The following CCDC69 variants were observed in gnomAD, a reference collection of about 807,000 sequenced individuals.
CCDC69 encodes the protein coiled-coil domain-containing protein 69.
Under a neutral mutation model 40.3 loss-of-function variants are expected in CCDC69, and 38 were observed. That is an observed-to-expected ratio of 0.94 (90% CI 0.73 to 1.24). The LOEUF (loss-of-function observed/expected upper bound fraction) is 1.24. CCDC69 is among the 50% of genes most tolerant of loss of function. The pLI is 0.00. For synonymous variants in CCDC69, 141 were observed against 138.9 expected (o/e 1.02, Z -0.11); for missense variants, 389 against 357.9 (o/e 1.09, Z -0.70).
chr5:151,185,746 G>A (rs1435473012), intron 6 of CCDC69, among the ~76,000 whole-genome samples: 6 of 152,180 alleles, frequency 3.9e-5, no homozygotes, highest in Non-Finnish European at 1.5e-5. Flanking sequence ...ACTGTGGTTC[G>A]GACAGGTTGA....
At chr5:151,191,950 G>T (rs1293424457) in intron 4 of CCDC69, among the ~76,000 whole-genome samples, 2 of 151,530 alleles carry the variant, frequency 1.3e-5, no homozygotes, top group South Asian at 2.1e-4. Context: ...GGCTAGGTGT[G>T]GTGGGGTACC....
chr5:151,184,235 C>T (rs1766685642), intron 8 of CCDC69, 109 bp downstream of exon 8: 6 of 796,742 alleles, frequency 7.5e-6, no homozygotes, highest in Non-Finnish European at 1.3e-5. Context: ...CTAAATAGGC[C>T]CTGGGCCCAC....
At position 151,185,554 on chromosome 5, in the gene CCDC69, A is replaced by G; in HGVS notation, c.496-13T>C. On this transcript the variant is annotated splice_polypyrimidine_tract_variant and intron_variant, in intron 6 of 8. Coordinates refer to ENST00000355417, the MANE Select transcript of CCDC69 (RefSeq NM_015621.3). The stretch of plus-strand genomic sequence containing the variant: ...GGCTCCCATAATCCTAGACAGGGAC[A>G]GAGTGACCTCATTAGGCCAGTAGGC... 6.2e-7 allele frequency: 1 copy of G among 1,613,780 alleles called. No homozygotes were observed.
chr5:151,185,911 A>T, intron 6 of CCDC69, 112 bp downstream of exon 6: 1 of 750,100 alleles, frequency 1.3e-6, no homozygotes. Context: ...TGTGTAGGTA[A>T]GAGTGCCAGG....
intron 4 of CCDC69, among the ~76,000 whole-genome samples, chr5:151,195,580 G>A (rs181182654): frequency 4.0e-5 from 6 of 151,888 alleles, no homozygotes; most frequent in Admixed American, 2.0e-4. Flanking sequence ...TTAGCCAGGC[G>A]TGGTTGCAGG....
At chr5:151,213,496 C>T (rs1164079653) in intron 1 of CCDC69, among the ~76,000 whole-genome samples, 1 of 151,978 alleles carries the variant, frequency 6.6e-6, no homozygotes, top group African/African-American at 2.4e-5. Context: ...TAGTGATCCA[C>T]CCGCCTCGGC....
At position 151,223,786 on chromosome 5, in the gene CCDC69, T is replaced by G. The variant is rs532466819; in HGVS notation, c.48+137A>C. 60 of 783,256 alleles carry G rather than the reference T, an allele frequency of 7.7e-5. No homozygotes were observed. In the South Asian group the frequency reaches 1.2e-3, roughly 15 times the overall value. The allele number at this position is 783,256 out of a possible 1,614,324, so 48.5% of individuals were successfully genotyped here. On this transcript the variant is annotated intron_variant, in intron 1 of 8. Transcript: ENST00000355417. ...CTCCCAGCAGAGCCTCCCTCGTCTC[T>G]GAGCTGGCCTCTCCAGGTTCTCCGT... is the stretch of plus-strand genomic sequence containing the variant.
At chr5:151,204,515 T>A (rs76964567) in intron 2 of CCDC69, among the ~76,000 whole-genome samples, 3,335 of 152,272 alleles carry the variant, frequency 0.022, 58 homozygotes, top group Middle Eastern at 0.082. Context: ...ACACAAAAAA[T>A]TCTTTGAGAT....
rs766060919 is a variant in CCDC69, at chr5:151,223,954, C to T, written c.17G>A (p.Ser6Asn). ...CGGGGGTTTGCAGCTGCTCAGCCTG[C>T]TGTGTCTGCAGCCCATCCTCCTCCG... Reference protein sequence around the residue: MGCRHSRLSSCKPPKK... With the variant: MGCRHNRLSSCKPPKK... Residue 6 changes from serine (S) to asparagine (N), a missense_variant, in exon 1 of 9, where the codon AGC (serine) becomes AAC (asparagine). Transcript: ENST00000355417. 4.4e-6 allele frequency: 7 copies of T among 1,575,178 alleles called. No individual in the cohort carries two copies. In the South Asian group the frequency reaches 8.0e-5, roughly 18 times the overall value.
intron 2 of CCDC69, among the ~76,000 whole-genome samples, chr5:151,203,230 C>T (rs1246201247): frequency 6.6e-6 from 1 of 151,964 alleles, no homozygotes; most frequent in Non-Finnish European, 1.5e-5. Flanking sequence ...GAAATGTAGG[C>T]CAGGCGCGAT....
At chr5:151,206,544 T>C (rs1382056772) in intron 1 of CCDC69, among the ~76,000 whole-genome samples, 1 of 152,222 alleles carries the variant, frequency 6.6e-6, no homozygotes, top group African/African-American at 2.4e-5. Context: ...CCAGATTTCA[T>C]AAATGAGTAA....
At chr5:151,198,776 A>G in intron 4 of CCDC69, 1 of 452,358 alleles carries the variant, frequency 2.2e-6, no homozygotes, top group Admixed American at 3.7e-5. Flanking sequence ...AATACCTCTC[A>G]AATAAGGAAA....
chr5:151,200,465 A>T (rs1185312015), intron 3 of CCDC69, among the ~76,000 whole-genome samples: 1 of 152,190 alleles, frequency 6.6e-6, no homozygotes, highest in African/African-American at 2.4e-5. Flanking sequence ...AAATTTCAGA[A>T]TTTTGAATAT....
At chr5:151,195,150 GCCAAA>G (rs1752679765) in intron 4 of CCDC69, among the ~76,000 whole-genome samples, 2 of 152,080 alleles carry the variant, frequency 1.3e-5, no homozygotes, top group Admixed American at 1.3e-4. Flanking sequence ...CTTAGTATGT[GCCAAA>G]CAATTTAAAA....
intron 3 of CCDC69, 119 bp downstream of exon 3, chr5:151,201,463 G>A: frequency 1.6e-6 from 1 of 633,072 alleles, no homozygotes. Flanking sequence ...TCCCTTCCTG[G>A]TAAAATGAGT....
At chr5:151,194,760 G>T (rs6891983) in intron 4 of CCDC69, among the ~76,000 whole-genome samples, 2,495 of 152,056 alleles carry the variant, frequency 0.016, 28 homozygotes, top group Middle Eastern at 0.071. Context: ...GGGCATAGTG[G>T]CACGTGCCTG....
At chr5:151,208,051 G>A (rs1264973274) in intron 1 of CCDC69, among the ~76,000 whole-genome samples, 2 of 152,154 alleles carry the variant, frequency 1.3e-5, no homozygotes, top group African/African-American at 4.8e-5. Flanking sequence ...AGGAGTTCGA[G>A]ATCAACCTGA....
chr5:151,192,087 G>GAAAAAAAAAA (rs34310340), intron 4 of CCDC69, among the ~76,000 whole-genome samples: 5 of 38,800 alleles, frequency 1.3e-4, no homozygotes, highest in African/African-American at 2.4e-4. Flanking sequence ...CCTGTCTCAG[G>GAAAAAAAAAA]AAAAAAAAAA....
intron 1 of CCDC69, among the ~76,000 whole-genome samples, chr5:151,218,716 C>A (rs1459325960): frequency 6.6e-6 from 1 of 152,132 alleles, no homozygotes; most frequent in Non-Finnish European, 1.5e-5. Flanking sequence ...ATCTTTTCTT[C>A]CCTTTTTATG....
Sources: gnomAD v4.1 joint callset for allele counts (sites outside exome capture counted in the v4.1 genomes callset) on GRCh38, gnomAD v4.1.1 for gene constraint, MANE v1.5 for transcripts, NCBI Gene and HGNC (gene_info 2026-07-23, HGNC 2026-07-21) for gene names.